COA8: variants seen among roughly 807,000 people sequenced by gnomAD.
COA8 encodes the protein UPF0671 protein C14orf153.
COA8 carries 20 observed loss-of-function variants against 22.0 expected under a neutral mutation model. The observed-to-expected ratio is 0.91, with a 90% CI of 0.64 to 1.32. COA8 has a LOEUF of 1.32. Among genes scored for constraint, COA8 ranks in the 40% most tolerant of loss-of-function variants. The probability of loss-of-function intolerance (pLI) is 0.00; values close to 1 mark genes in which losing one functional copy is unlikely to be tolerated. For missense variants in COA8, 266 were observed against 230.0 expected, an observed-to-expected ratio of 1.16 and a Z score of -1.01; for synonymous variants, 105 against 79.9, an observed-to-expected ratio of 1.31 and a Z score of -1.68.
chr14:103,581,922 C>T lies in COA8; in HGVS notation c.386-5352C>T, dbSNP rs73361349. Among the ~76,000 whole-genome samples, 3,810 of 152,270 alleles carry T rather than the reference C, an allele frequency of 0.025. 160 individuals are homozygous for T. The highest frequency in any genetic ancestry group is 0.087 in the African/African-American group (3,597 of 41,532). ...GGGGTTGCCAGACACCCTCCCTGCT[C>T]TGTGGAGGGAGGGTGGAATCATGCC... is the stretch of plus-strand genomic sequence containing the variant. On this transcript the variant is annotated intron_variant, in intron 3 of 4. Coordinates refer to ENST00000409074, the MANE Select transcript of COA8 (RefSeq NM_001370595.2). This position sits in a 1 kb window ranked among gnomAD's most constrained non-coding sequence, Gnocchi z 4.1.
intron 1 of COA8, among the ~76,000 whole-genome samples, chr14:103,564,571 C>CTTTTTTTTTTTTTTTTTTT (rs561702478): frequency 1.1e-5 from 1 of 91,460 alleles, no homozygotes; most frequent in Non-Finnish European, 2.1e-5. Context: ...ATATACACTT[C>CTTTTTTTTTTTTTTTTTTT]TTTTTTTTTT....
intron 3 of COA8, among the ~76,000 whole-genome samples, chr14:103,583,614 C>T (rs902489959): frequency 3.3e-5 from 5 of 151,146 alleles, no homozygotes; most frequent in Admixed American, 3.3e-4. Context: ...TTCTCTAATT[C>T]CACTTCTCCA....
intron 2 of COA8, 126 bp from the exon 3 acceptor site, chr14:103,573,981 G>A: frequency 8.0e-7 from 1 of 1,247,254 alleles, no homozygotes; most frequent in Non-Finnish European, 1.1e-6. Flanking sequence ...TGGGTCACTA[G>A]CTTCTCAGAA....
chr14:103,565,562 T>A (rs535960941), intron 1 of COA8, among the ~76,000 whole-genome samples: 1 of 152,116 alleles, frequency 6.6e-6, no homozygotes, highest in East Asian at 1.9e-4. Flanking sequence ...ATACTCCCTT[T>A]TAGTTCTTTT....
Position 103,569,410 on chromosome 14 carries a change from G to A in COA8, c.124-2213G>A, listed in dbSNP as rs149139285. Among the ~76,000 whole-genome samples, 155 of 152,368 alleles carry A rather than the reference G, an allele frequency of 1.0e-3. 1 individual carries two copies. Among genetic ancestry groups the A allele is most frequent in the Admixed American group, 5.4e-3 (82 of 15,300 alleles). Reference sequence around the variant, plus strand: ...TTTATCCGTAAAGCAGTTTATGTGAGTGATAACTGGTAGATAAATATGGAA... The same window carrying A: ...TTTATCCGTAAAGCAGTTTATGTGAATGATAACTGGTAGATAAATATGGAA... On this transcript the variant is annotated intron_variant, in intron 1 of 4. Transcript: ENST00000409074.
intron 2 of COA8, among the ~76,000 whole-genome samples, chr14:103,572,545 C>T (rs1390390605): frequency 6.6e-6 from 1 of 151,952 alleles, no homozygotes; most frequent in Non-Finnish European, 1.5e-5. Context: ...GCCTGGCCAA[C>T]GTAGCGAAAC....
At position 103,563,050 on chromosome 14, in the gene COA8, C is replaced by G. The variant is rs774155240; in HGVS notation, c.49C>G (p.Arg17Gly). Residue 17 changes from arginine (R) to glycine (G), a missense_variant, in exon 1 of 5, where the codon CGC (arginine) becomes GGC (glycine). Physicochemically the swap from Arg to Gly is moderately radical, Grantham distance 125 (BLOSUM62 -2). Transcript: ENST00000409074. ...GAAGACCTTTCTCCCCCCTCTCTGCCGCGCCTTCGCCTGCCGCGGCTGTCA... is the reference window on the plus strand; with the variant it reads ...GAAGACCTTTCTCCCCCCTCTCTGCGGCGCCTTCGCCTGCCGCGGCTGTCA... Reference protein sequence around the residue: ...GKKTFLPPLCRAFACRGCQLA... With the variant: ...GKKTFLPPLCGAFACRGCQLA... 2.9e-5 allele frequency: 45 copies of G among 1,540,446 alleles called. No homozygotes were observed. The highest frequency in any genetic ancestry group is 3.7e-5 in the Non-Finnish European group (43 of 1,148,612).
rs774424842 is a variant in COA8 at position 103,590,266 on chromosome 14, C to A, written c.562C>A (p.Gln188Lys). Reference protein sequence around the residue: ...ERIWNKLKQKQKKRSN With the variant: ...ERIWNKLKQKKKKRSN ...GATTTGGAACAAGCTTAAACAGAAACAAAAGAAGAGGAGCAACTAGGAGTC... is the reference window on the plus strand; with the variant it reads ...GATTTGGAACAAGCTTAAACAGAAAAAAAAGAAGAGGAGCAACTAGGAGTC... Residue 188 changes from glutamine to lysine, a missense_variant, in exon 5 of 5, where the codon CAA becomes AAA. Transcript: ENST00000409074. 1.2e-6 allele frequency: 2 copies of A among 1,613,976 alleles called. No individual in the cohort carries two copies. Among genetic ancestry groups the A allele is most frequent in the South Asian group, 2.2e-5 (2 of 91,080 alleles).
At chr14:103,568,450 CACAT>C (rs540646177) in intron 1 of COA8, among the ~76,000 whole-genome samples, 3 of 151,898 alleles carry the variant, frequency 2.0e-5, no homozygotes, top group Non-Finnish European at 2.9e-5. Flanking sequence ...TATATACACA[CACAT>C]ACATACATAC....
Position 103,573,654 on chromosome 14 carries a change from G to A in COA8, c.322-453G>A, listed in dbSNP as rs2076205785. Among the ~76,000 whole-genome samples the A allele has an allele frequency of 2.0e-5, 3 of 152,064 alleles. No homozygotes were observed. In the South Asian group the frequency reaches 6.2e-4, roughly 32 times the overall value. Reference sequence around the variant, plus strand: ...TGCAACCTCCGCCTCCTGGGTTCAAGCAGTTCTCCCGCCTCAGCCTCCTAA... The same window carrying A: ...TGCAACCTCCGCCTCCTGGGTTCAAACAGTTCTCCCGCCTCAGCCTCCTAA... On this transcript the variant is annotated intron_variant, in intron 2 of 4. Transcript: ENST00000409074.
Position 103,581,850 on chromosome 14 carries a change from G to A in COA8, c.386-5424G>A, listed in dbSNP as rs1199193324. Among the ~76,000 whole-genome samples the A allele has an allele frequency of 1.3e-5, 2 of 152,190 alleles. No individual in the cohort carries two copies. Among genetic ancestry groups the A allele is most frequent in the Admixed American group, 1.3e-4 (2 of 15,280 alleles). On this transcript the variant is annotated intron_variant, in intron 3 of 4. Transcript: ENST00000409074. This position sits in a 1 kb window ranked among gnomAD's most constrained non-coding sequence, Gnocchi z 4.1. ...TGCCGTGTGGCTAGGGGACAGCCGT[G>A]CTTGTGCTGTGCCGTCTGAGTGTTT... is the stretch of plus-strand genomic sequence containing the variant.
chr14:103,577,996 C>T (rs1384447091), intron 3 of COA8, among the ~76,000 whole-genome samples: 1 of 145,180 alleles, frequency 6.9e-6, no homozygotes, highest in African/African-American at 2.6e-5. Flanking sequence ...TGCACTCCAG[C>T]CTGGGCAGCA....
intron 3 of COA8, among the ~76,000 whole-genome samples, chr14:103,579,906 T>C (rs978065123): frequency 7.1e-6 from 1 of 140,208 alleles, no homozygotes; most frequent in East Asian, 2.1e-4. Context: ...GAGGCTGCAG[T>C]GAGCCGAGAT....
intron 3 of COA8, among the ~76,000 whole-genome samples, chr14:103,585,736 C>T (rs544789081): frequency 3.3e-5 from 5 of 151,184 alleles, no homozygotes; most frequent in South Asian, 4.2e-4. Flanking sequence ...CCACTACACC[C>T]GGCTAATTTT....
intron 3 of COA8, among the ~76,000 whole-genome samples, chr14:103,585,310 T>C (rs2076297782): frequency 6.6e-6 from 1 of 150,782 alleles, no homozygotes. Flanking sequence ...GAAACCCGTC[T>C]CTACTAAAAC....
chr14:103,563,063 G>T lies in COA8; in HGVS notation c.62G>T (p.Cys21Phe). Residue 21 changes from cysteine (C) to phenylalanine (F), a missense_variant, in exon 1 of 5, where the codon TGC becomes TTC. Cys to Phe is a radical substitution (Grantham distance 205). Coordinates refer to ENST00000409074, the MANE Select transcript of COA8 (RefSeq NM_001370595.2). ...FLPPLCRAFA[C>F]RGCQLAPERG... ...CCCCCTCTCTGCCGCGCCTTCGCCTGCCGCGGCTGTCAACTCGCTCCGGAG... is the reference window on the plus strand; with the variant it reads ...CCCCCTCTCTGCCGCGCCTTCGCCTTCCGCGGCTGTCAACTCGCTCCGGAG... 2 of 1,541,434 alleles carry T rather than the reference G, an allele frequency of 1.3e-6. No individual in the cohort carries two copies. The highest frequency in any genetic ancestry group is 8.7e-7 in the Non-Finnish European group (1 of 1,148,558).
At chr14:103,568,444 TAC>T (rs910932022) in intron 1 of COA8, among the ~76,000 whole-genome samples, 1 of 151,578 alleles carries the variant, frequency 6.6e-6, no homozygotes, top group Non-Finnish European at 1.5e-5. Context: ...TATATATATA[TAC>T]ACACACATAC....
At chr14:103,582,484 G>C (rs1017302772) in intron 3 of COA8, among the ~76,000 whole-genome samples, 1 of 152,202 alleles carries the variant, frequency 6.6e-6, no homozygotes, top group Admixed American at 6.5e-5. Flanking sequence ...CGCGGGGCTG[G>C]AGTAGTCAGG....
At chr14:103,585,403 T>C in intron 3 of COA8, among the ~76,000 whole-genome samples, 1 of 147,432 alleles carries the variant, frequency 6.8e-6, no homozygotes, top group Non-Finnish European at 1.5e-5. Flanking sequence ...TGCTTGAACC[T>C]GGCAGGTGGA....
Sources: gnomAD v4.1 joint callset for allele counts (sites outside exome capture counted in the v4.1 genomes callset) on GRCh38, gnomAD v4.1.1 for gene constraint, Gnocchi (gnomAD v3.1) non-coding constraint, MANE v1.5 for transcripts, NCBI Gene and HGNC (gene_info 2026-07-23, HGNC 2026-07-21) for gene names.